ANK2: variants seen among roughly 807,000 people sequenced by gnomAD.
ANK2 encodes ankyrin-2.
In ANK2, 83 loss-of-function variants were observed where a neutral mutation model predicts 360.5. The ratio of observed to expected loss-of-function variants is 0.23; its 90% confidence interval spans 0.19 to 0.28. The LOEUF is 0.28. Ranked by LOEUF, ANK2 falls within the 10% of genes least tolerant of loss-of-function variation. ANK2 has a pLI of 1.00. For missense variants in ANK2, 4,201 were observed against 4,795.7 expected (o/e 0.88, Z 3.66); for synonymous variants, 1,740 against 1,759.5 (o/e 0.99, Z 0.28).
At chr4:112,976,495 G>A (rs1029412617) in intron 2 of ANK2, among the ~76,000 whole-genome samples, 10 of 152,244 alleles carry the variant, frequency 6.6e-5, no homozygotes, top group Admixed American at 5.2e-4. Context: ...ACCCAGCCTG[G>A]TTGTGGAATT....
chr4:113,200,011 G>A (rs1365224192), intron 4 of ANK2, among the ~76,000 whole-genome samples: 1 of 152,144 alleles, frequency 6.6e-6, no homozygotes, highest in Non-Finnish European at 1.5e-5. Context: ...AATACAAAAG[G>A]CAATGGTTAA....
intron 1 of ANK2, among the ~76,000 whole-genome samples, chr4:112,848,176 A>G (rs2063764282): frequency 6.6e-6 from 1 of 152,112 alleles, no homozygotes; most frequent in Admixed American, 6.5e-5. Flanking sequence ...CCGAGGCTGG[A>G]GTGCAGTGGC....
At chr4:113,237,282 A>C (rs751140478) in intron 6 of ANK2, 110 bp downstream of exon 6, 1 of 1,274,288 alleles carries the variant, frequency 7.8e-7, no homozygotes, top group African/African-American at 1.5e-5. Flanking sequence ...ATTTCTGGTC[A>C]TAAAAAGAGA....
At chr4:113,045,069 T>C (rs186859797), upstream of ANK2, among the ~76,000 whole-genome samples, 78 of 152,286 alleles carry the variant, frequency 5.1e-4, no homozygotes, top group African/African-American at 1.8e-3. Flanking sequence ...AACTCTTGAC[T>C]CACAAATGGA....
At chr4:112,772,250 T>C in the ANK2 span, among the ~76,000 whole-genome samples, 189 of 152,318 alleles carry the variant, frequency 1.2e-3, 2 homozygotes, top group Middle Eastern at 0.017. Context: ...TCTTACATGG[T>C]GGCAGACAAG....
intron 1 of ANK2, among the ~76,000 whole-genome samples, chr4:112,869,021 C>G (rs1450788906): frequency 6.6e-6 from 1 of 152,044 alleles, no homozygotes; most frequent in Non-Finnish European, 1.5e-5. Context: ...AGTGCAGTGG[C>G]AAGATCATAG....
At chr4:112,964,898 T>G (rs2036591704) in intron 2 of ANK2, among the ~76,000 whole-genome samples, 1 of 152,168 alleles carries the variant, frequency 6.6e-6, no homozygotes, top group South Asian at 2.1e-4. Flanking sequence ...TCCATTAATC[T>G]GTTGATTGAC....
At position 112,822,511 on chromosome 4, in the gene ANK2, C is replaced by T. The variant is rs535241685; in HGVS notation, c.-40+4247C>T. On this transcript the variant is annotated intron_variant, in intron 1 of 30. Coordinates refer to the ANK2 transcript ENST00000503271. ...TGTAAATTCCAGCACTTTGGGAGGC[C>T]GAGGTGGGCAGATCACTTGAGGTCA... 2.6e-5 allele frequency among the ~76,000 whole-genome samples: 4 copies of T among 151,594 alleles called. No individual in the cohort carries two copies. In the South Asian group the frequency reaches 8.3e-4, roughly 32 times the overall value.
intron 1 of ANK2, among the ~76,000 whole-genome samples, chr4:113,122,420 AT>A (rs2095420617): frequency 6.6e-6 from 1 of 152,200 alleles, no homozygotes; most frequent in African/African-American, 2.4e-5. Context: ...CACAGCCAGA[AT>A]AACATGGCAC....
chr4:113,360,124 T>G (rs1477422846), intron 38 of ANK2, among the ~76,000 whole-genome samples: 2 of 152,170 alleles, frequency 1.3e-5, no homozygotes, highest in African/African-American at 2.4e-5. Context: ...TCTAAAATGC[T>G]GCCTATCAAT....
At chr4:113,261,833 G>T (rs977936634) in intron 13 of ANK2, among the ~76,000 whole-genome samples, 17 of 152,082 alleles carry the variant, frequency 1.1e-4, no homozygotes, top group African/African-American at 4.1e-4. Flanking sequence ...TAGAAATATT[G>T]GCCAGTATTG....
chr4:113,030,329 A>T lies in ANK2; in HGVS notation c.21+125815A>T, dbSNP rs2060132871. ...AGCCTGAATGAACTGTTTAACAAGG[A>T]GAATGTTTGACACAAGAACCTACGT... is the stretch of plus-strand genomic sequence containing the variant. On this transcript the variant is annotated intron_variant, in intron 2 of 30. Coordinates refer to the ANK2 transcript ENST00000503271. Among the ~76,000 whole-genome samples, 3 of 152,138 alleles carry T rather than the reference A, an allele frequency of 2.0e-5. No individual in the cohort carries two copies. In the South Asian group the frequency reaches 6.2e-4, roughly 32 times the overall value.
intron 1 of ANK2, among the ~76,000 whole-genome samples, chr4:113,153,652 C>T (rs542461546): frequency 9.2e-5 from 14 of 152,148 alleles, no homozygotes; most frequent in African/African-American, 3.1e-4. Context: ...TTAATGATGA[C>T]ATAGGATAAA....
intron 11 of ANK2, among the ~76,000 whole-genome samples, chr4:113,256,665 A>G (rs528735262): frequency 1.3e-5 from 2 of 152,214 alleles, no homozygotes; most frequent in Non-Finnish European, 2.9e-5. Flanking sequence ...TTCCCAAACT[A>G]AAAGTAAATC....
At chr4:113,137,132 C>T (rs7664895) in intron 1 of ANK2, among the ~76,000 whole-genome samples, 23,476 of 152,042 alleles carry the variant, frequency 0.15, 2,908 homozygotes, top group East Asian at 0.54. Context: ...CTGCGCCCGA[C>T]CTAGATTTTC....
chr4:112,732,852 C>T, the ANK2 span, among the ~76,000 whole-genome samples: 2 of 151,820 alleles, frequency 1.3e-5, no homozygotes, highest in Non-Finnish European at 2.9e-5. Flanking sequence ...GAGGCTGAGG[C>T]GGGGGGATCA....
chr4:113,138,689 G>A (rs1171652370), intron 1 of ANK2, among the ~76,000 whole-genome samples: 4 of 152,114 alleles, frequency 2.6e-5, no homozygotes, highest in South Asian at 2.1e-4. Context: ...TTTGAGTATA[G>A]GATTACACAG....
At chr4:113,366,651 G>A (rs1202107732) in intron 41 of ANK2, among the ~76,000 whole-genome samples, 3 of 151,824 alleles carry the variant, frequency 2.0e-5, no homozygotes, top group African/African-American at 7.3e-5. Flanking sequence ...TCTTTCCTCA[G>A]ATCAACATAT....
At chr4:113,216,269 G>C (rs2099084576) in intron 4 of ANK2, among the ~76,000 whole-genome samples, 1 of 152,202 alleles carries the variant, frequency 6.6e-6, no homozygotes, top group South Asian at 2.1e-4. Flanking sequence ...TTGAGGCCAA[G>C]CTACAGAATA....
Sources: allele counts gnomAD v4.1 joint callset (sites outside exome capture counted in the v4.1 genomes callset), GRCh38; gene constraint gnomAD v4.1.1; transcripts MANE v1.5; gene names NCBI Gene and HGNC (gene_info 2026-07-23, HGNC 2026-07-21).